SYNJ1: variants seen among roughly 807,000 people sequenced by gnomAD.
SYNJ1 encodes the protein polyphosphatidylinositol phosphatase SYNJ1.
In SYNJ1, 78 loss-of-function variants were observed where a neutral mutation model predicts 168.2. The observed-to-expected ratio is 0.46, with a 90% CI of 0.39 to 0.56. SYNJ1 has a LOEUF of 0.56. Among genes scored for constraint, SYNJ1 ranks in the 20% least tolerant of loss-of-function variants. The pLI is 0.00. For synonymous variants in SYNJ1, 539 were observed against 548.6 expected, an observed-to-expected ratio of 0.98 and a Z score of 0.24; for missense variants, 1,303 against 1,597.6, an observed-to-expected ratio of 0.82 and a Z score of 3.14.
At chr21:32,645,837 G>A (rs747987369) in intron 24 of SYNJ1, 48 bp from the exon 25 acceptor site, 170 of 1,519,890 alleles carry the variant, frequency 1.1e-4, no homozygotes, top group Non-Finnish European at 1.5e-4. Flanking sequence ...AGTAGCTGTT[G>A]ACAGAAGGGA....
Position 32,645,770 on chromosome 21 carries a change from C to A in SYNJ1, c.3267G>T (p.Gln1089His). The change falls in exon 25 of 33, where the codon CAG (glutamine) becomes CAT (histidine). Residue 1089 changes from glutamine (Q) to histidine (H), a missense_variant. Transcript: ENST00000674351. ...PSAQSSPIDA[Q>H]PATPLPQKDP... The stretch of plus-strand genomic sequence containing the variant: ...CTTTCTGCGGCAGCGGCGTTGCTGG[C>A]TGCGCGTCAATAGGAGAACCTAAAA... 1 of 1,469,690 alleles carries A rather than the reference C, an allele frequency of 6.8e-7. No homozygotes were observed. The allele number at this position is 1,469,690 out of a possible 1,614,324, so 91.0% of individuals were successfully genotyped here.
rs867724746 is a variant in SYNJ1 at position 32,664,306 on chromosome 21, A to G, written c.2304+607T>C. Among the ~76,000 whole-genome samples the G allele has an allele frequency of 5.3e-5, 8 of 152,306 alleles. 1 individual carries two copies. In the Middle Eastern group the frequency reaches 0.027, roughly 518 times the overall value. ...GAGTGAAGTTCTCAAAGGGGGGAAT[A>G]AGGGAGGAGACCACCCCTCATATTG... On this transcript the variant is annotated intron_variant, in intron 18 of 32. Transcript: ENST00000674351.
At chr21:32,665,754 A>G (rs1170543526) in intron 17 of SYNJ1, among the ~76,000 whole-genome samples, 189 bp downstream of exon 17, 3 of 152,228 alleles carry the variant, frequency 2.0e-5, no homozygotes, top group African/African-American at 7.2e-5. Context: ...TTGGCAAAAT[A>G]AACTTTCTAA....
chr21:32,697,730 G>A (rs2042260804), intron 4 of SYNJ1, among the ~76,000 whole-genome samples: 1 of 152,264 alleles, frequency 6.6e-6, no homozygotes. Flanking sequence ...GAACCCAGGA[G>A]GTGAAGGTTG....
chr21:32,721,538 G>A (rs1173290704), intron 2 of SYNJ1, among the ~76,000 whole-genome samples: 1 of 151,972 alleles, frequency 6.6e-6, no homozygotes, highest in Non-Finnish European at 1.5e-5. Context: ...AATTAGCTAG[G>A]TGTGGTGGGG....
chr21:32,728,111 G>GC (rs1353369178), upstream of SYNJ1: 3 of 1,471,982 alleles, frequency 2.0e-6, no homozygotes, highest in East Asian at 5.3e-5. Flanking sequence ...GGGAGACCAC[G>GC]CCCACTCTGC....
chr21:32,669,104 G>T (rs959782833), intron 15 of SYNJ1, among the ~76,000 whole-genome samples: 6 of 152,128 alleles, frequency 3.9e-5, no homozygotes, highest in African/African-American at 1.4e-4. Context: ...GTGATACACA[G>T]GAAATACATA....
At chr21:32,666,300 C>T (rs890183038) in intron 16 of SYNJ1, 133 bp downstream of exon 16, 69 of 1,464,070 alleles carry the variant, frequency 4.7e-5, no homozygotes, top group Non-Finnish European at 5.3e-5. Context: ...TAATCAAAAC[C>T]CCCAAAACCC....
chr21:32,671,552 G>A (rs1200368674), intron 14 of SYNJ1, among the ~76,000 whole-genome samples: 1 of 152,058 alleles, frequency 6.6e-6, no homozygotes, highest in Admixed American at 6.5e-5. Context: ...TTCAAATCCT[G>A]GCTTTGCCAC....
At chr21:32,646,290 G>C in intron 24 of SYNJ1, 103 bp downstream of exon 24, 1 of 1,154,210 alleles carries the variant, frequency 8.7e-7, no homozygotes, top group Non-Finnish European at 1.3e-6. Context: ...GGAGAAAACA[G>C]GGTGCACTTT....
rs745854346 is a variant in SYNJ1, at chr21:32,670,275, G to A, written c.1811+13C>T. 1 of 1,609,034 alleles carries A rather than the reference G, an allele frequency of 6.2e-7. No homozygotes were observed. The highest frequency in any genetic ancestry group is 1.7e-5 in the Admixed American group (1 of 59,378). The stretch of plus-strand genomic sequence containing the variant: ...CTGGCAAATTTTTCAGTGGATTAAT[G>A]TGGCTAGCTTACCTTGCACTCACAA... On this transcript the variant is annotated intron_variant, in intron 15 of 32. Coordinates refer to ENST00000674351, the MANE Select transcript of SYNJ1 (RefSeq NM_203446.3).
intron 18 of SYNJ1, among the ~76,000 whole-genome samples, chr21:32,662,221 G>A (rs969277039): frequency 9.2e-5 from 14 of 152,120 alleles, no homozygotes; most frequent in African/African-American, 2.7e-4. Flanking sequence ...GTCTACGCAC[G>A]GCCGAGGCAT....
intron 22 of SYNJ1, among the ~76,000 whole-genome samples, chr21:32,652,347 C>T (rs1449520670): frequency 6.6e-6 from 1 of 151,820 alleles, no homozygotes; most frequent in African/African-American, 2.4e-5. Flanking sequence ...ATTACAGGCG[C>T]CCACCACCAC....
Position 32,630,825 on chromosome 21 carries a change from C to T in SYNJ1, c.*980G>A. 1.6e-6 allele frequency: 1 copy of T among 635,346 alleles called. No individual in the cohort carries two copies. Among genetic ancestry groups the T allele is most frequent in the Non-Finnish European group, 2.5e-6 (1 of 395,144 alleles). The allele number at this position is 635,346 out of a possible 1,614,324, so 39.4% of individuals were successfully genotyped here. On this transcript the variant is annotated 3_prime_UTR_variant, in exon 33 of 33. Coordinates refer to ENST00000674351, the MANE Select transcript of SYNJ1 (RefSeq NM_203446.3). ...CAGTTAACAATGAGAAGGGTTTTTCCTTATTTCCAATATACACATAGTCCA... is the reference window on the plus strand; with the variant it reads ...CAGTTAACAATGAGAAGGGTTTTTCTTTATTTCCAATATACACATAGTCCA...
rs1340359289 is a variant in SYNJ1, at chr21:32,631,647, T to G, written c.*158A>C. 6.2e-7 allele frequency: 1 copy of G among 1,614,236 alleles called. No individual in the cohort carries two copies. Among genetic ancestry groups the G allele is most frequent in the East Asian group, 2.2e-5 (1 of 44,886 alleles). On this transcript the variant is annotated 3_prime_UTR_variant, in exon 33 of 33. Transcript: ENST00000674351. ...ATTACTTTGCGTTGCAGAAGGCAAC[T>G]GAATCAACCTCTTTGGGTCTGGGGT...
chr21:32,668,186 C>T (rs2145940725), intron 15 of SYNJ1, among the ~76,000 whole-genome samples: 1 of 152,214 alleles, frequency 6.6e-6, no homozygotes, highest in South Asian at 2.1e-4. Flanking sequence ...CTGCCTCAGC[C>T]TCCTGAGTAG....
chr21:32,691,699 TCAAA>T (rs1163598335), intron 6 of SYNJ1, among the ~76,000 whole-genome samples: 1 of 152,192 alleles, frequency 6.6e-6, no homozygotes, highest in African/African-American at 2.4e-5. Context: ...TTATAATGCC[TCAAA>T]CAAATTCATC....
intron 9 of SYNJ1, among the ~76,000 whole-genome samples, chr21:32,685,153 G>T (rs926134067): frequency 2.7e-5 from 4 of 145,928 alleles, no homozygotes; most frequent in Admixed American, 1.4e-4. Flanking sequence ...CTGCACTCCA[G>T]CCTGGGCGAC....
intron 1 of SYNJ1, 129 bp downstream of exon 1, chr21:32,727,817 T>C: frequency 6.9e-7 from 1 of 1,459,024 alleles, no homozygotes; most frequent in Non-Finnish European, 9.0e-7. Flanking sequence ...GCACCCCGGC[T>C]GCTCGCGGTC....
Sources: gnomAD v4.1 joint callset for allele counts (sites outside exome capture counted in the v4.1 genomes callset) on GRCh38, gnomAD v4.1.1 for gene constraint, MANE v1.5 for transcripts, NCBI Gene and HGNC (gene_info 2026-07-23, HGNC 2026-07-21) for gene names.